ZFYVE19: variants seen among roughly 807,000 people sequenced by gnomAD.
The protein encoded by ZFYVE19 is zinc finger FYVE-type containing 19.
A neutral mutation model predicts 62.8 loss-of-function variants in ZFYVE19; 49 were observed. The observed-to-expected ratio is 0.78, with a 90% CI of 0.62 to 0.99. The LOEUF (loss-of-function observed/expected upper bound fraction) is 0.99, where lower values mean the gene tolerates loss of function less well. ZFYVE19 is among the 50% of genes least tolerant of loss of function. The pLI, the probability that ZFYVE19 is intolerant of heterozygous loss-of-function variation, is 0.00. For synonymous variants in ZFYVE19, 242 were observed against 234.3 expected, an observed-to-expected ratio of 1.03 and a Z score of -0.30; for missense variants, 630 against 601.9, an observed-to-expected ratio of 1.05 and a Z score of -0.49.
At position 40,807,141 on chromosome 15, in the gene ZFYVE19, G is replaced by A. The variant is rs1404111226; in HGVS notation, c.-449G>A. On this transcript the variant is annotated 5_prime_UTR_variant, in exon 1 of 11. Transcript: ENST00000355341. Reference sequence around the variant, plus strand: ...CTAGGAGACAGGGGCCACGGGGAGAGCACAGCCACCCGGCGCGAAGAGCCC... The same window carrying A: ...CTAGGAGACAGGGGCCACGGGGAGAACACAGCCACCCGGCGCGAAGAGCCC... 8.1e-6 allele frequency: 9 copies of A among 1,110,312 alleles called. No individual in the cohort carries two copies. The East Asian group carries it at 2.3e-4, about 29-fold the overall frequency. 68.8% of individuals were successfully genotyped at this position (1,110,312 alleles called of 1,614,324 possible). A position where few individuals can be genotyped will look rare whatever the true frequency, so the allele number is the denominator to read the frequency against.
At chr15:40,813,913 A>G in intron 9 of ZFYVE19, 30 bp from the exon 10 acceptor site, 1 of 1,591,928 alleles carries the variant, frequency 6.3e-7, no homozygotes, top group Non-Finnish European at 8.6e-7. Context: ...TGGGTACCTT[A>G]CTTCCTCCAT....
chr15:40,809,982 C>T lies in ZFYVE19; in HGVS notation c.571+12C>T, dbSNP rs750384188. ...GGAGAACAAGCCCAGTGAGCAGGGG[C>T]AGATGGGGTTGCCTAGAGGACACAG... On this transcript the variant is annotated intron_variant, in intron 4 of 10. Coordinates refer to ENST00000355341, the MANE Select transcript of ZFYVE19 (RefSeq NM_001077268.2). The T allele has an allele frequency of 1.2e-6, 2 of 1,614,160 alleles. No individual in the cohort carries two copies. Among genetic ancestry groups the T allele is most frequent in the Non-Finnish European group, 1.7e-6 (2 of 1,179,988 alleles).
Position 40,807,116 on chromosome 15 carries a change from C to A in ZFYVE19, c.-474C>A. 1.1e-6 allele frequency: 1 copy of A among 901,396 alleles called. No homozygotes were observed. The highest frequency in any genetic ancestry group is 1.6e-6 in the Non-Finnish European group (1 of 612,982). The allele number at this position is 901,396 out of a possible 1,614,324, so 55.8% of individuals were successfully genotyped here. A position where few individuals can be genotyped will look rare whatever the true frequency, so the allele number is the denominator to read the frequency against. On this transcript the variant is annotated 5_prime_UTR_variant, in exon 1 of 11. Transcript: ENST00000355341. ...TCCTTGCTGCCTCGCCCCGCGGCCT[C>A]TAGGAGACAGGGGCCACGGGGAGAG...
In ZFYVE19 at chr15:40,814,486, G is replaced by A. The variant is rs1170610472; in HGVS notation, c.*260G>A. 7 of 536,292 alleles carry A rather than the reference G, an allele frequency of 1.3e-5. No individual in the cohort carries two copies. The highest frequency in any genetic ancestry group is 1.2e-4 in the South Asian group (6 of 49,100). 33.2% of individuals were successfully genotyped at this position (536,292 alleles called of 1,614,324 possible). ...TGGGGAGAGACCAGACTGAATCTAC[G>A]GGTGAGCCCTGTAACCTGGCTCTAG... On this transcript the variant is annotated 3_prime_UTR_variant, in exon 11 of 11. Transcript: ENST00000355341.
chr15:40,807,352 C>T lies in ZFYVE19; in HGVS notation c.-238C>T. 2 of 1,614,272 alleles carry T rather than the reference C, an allele frequency of 1.2e-6. No homozygotes were observed. Among genetic ancestry groups the T allele is most frequent in the African/African-American group, 1.3e-5 (1 of 75,076 alleles). On this transcript the variant is annotated 5_prime_UTR_variant, in exon 1 of 11. Coordinates refer to ENST00000355341, the MANE Select transcript of ZFYVE19 (RefSeq NM_001077268.2). ...GCCAGACCTCTCAAGATCAGCCTTC[C>T]TCGCCACCGTTCTCACCTCTTTGTC...
Position 40,813,806 on chromosome 15 carries a change from C to A in ZFYVE19, c.1204C>A (p.Pro402Thr). The part of the protein sequence containing the change: ...RPWTQPRGAE[P>T]EAQDVDPRPE... ...CTGGACGCAACCCCGCGGGGCAGAG[C>A]CTGAGGTGAGAAAAGCCCCAGATGC... is the stretch of plus-strand genomic sequence containing the variant. The change falls in exon 9 of 11, where the codon CCT (proline) becomes ACT (threonine). Residue 402 changes from proline (P) to threonine (T), a missense_variant. Coordinates refer to ENST00000355341, the MANE Select transcript of ZFYVE19 (RefSeq NM_001077268.2). 2 of 1,612,782 alleles carry A rather than the reference C, an allele frequency of 1.2e-6. No individual in the cohort carries two copies. Among genetic ancestry groups the A allele is most frequent in the Non-Finnish European group, 1.7e-6 (2 of 1,179,526 alleles).
intron 7 of ZFYVE19, among the ~76,000 whole-genome samples, 163 bp downstream of exon 7, chr15:40,813,065 AGC>A (rs1890546838): frequency 6.6e-6 from 1 of 152,156 alleles, no homozygotes; most frequent in Non-Finnish European, 1.5e-5. Context: ...AGTCAGGGGC[AGC>A]CATGAGGGCA....
chr15:40,809,563 G>A (rs1890411810), intron 3 of ZFYVE19, 105 bp downstream of exon 3: 16 of 1,405,468 alleles, frequency 1.1e-5, no homozygotes, highest in Non-Finnish European at 1.6e-5. Flanking sequence ...ACAGAATCAG[G>A]AGAATTCTCT....
intron 1 of ZFYVE19, chr15:40,808,897 A>G: frequency 1.9e-6 from 1 of 526,242 alleles, no homozygotes; most frequent in Non-Finnish European, 3.4e-6. Context: ...GGTAGAAAGC[A>G]TGGGAATTTT....
In ZFYVE19 at chr15:40,810,701, T is replaced by A; in HGVS notation, c.770T>A (p.Leu257Gln). 1 of 1,577,754 alleles carries A rather than the reference T, an allele frequency of 6.3e-7. No individual in the cohort carries two copies. The change falls in exon 6 of 11, where the codon CTA becomes CAA. Residue 257 changes from leucine (L) to glutamine (Q), a missense_variant. Physicochemically the swap from Leu to Gln is moderately radical, Grantham distance 113. Transcript: ENST00000355341. Reference protein sequence around the residue: ...RTQAQQTQDLLTQLAAEVAID... With the variant: ...RTQAQQTQDLQTQLAAEVAID... The stretch of plus-strand genomic sequence containing the variant: ...CAAGCCCAGCAGACACAGGATCTGC[T>A]AACGCAGCTGGCAGCTGAGGTGGCT...
intron 1 of ZFYVE19, chr15:40,808,804 C>T: frequency 3.0e-6 from 1 of 335,068 alleles, no homozygotes; most frequent in Non-Finnish European, 5.6e-6. Flanking sequence ...CTCTGATTCT[C>T]CTTTGTGGAA....
At chr15:40,812,043 C>T (rs1453686421) in intron 6 of ZFYVE19, among the ~76,000 whole-genome samples, 1 of 152,148 alleles carries the variant, frequency 6.6e-6, no homozygotes, top group Non-Finnish European at 1.5e-5. Flanking sequence ...ATGTCTTGAT[C>T]CTTTAGGGCA....
At chr15:40,810,577 T>C in intron 5 of ZFYVE19, 72 bp from the exon 6 acceptor site, 2 of 1,538,124 alleles carry the variant, frequency 1.3e-6, no homozygotes, top group Non-Finnish European at 1.8e-6. Context: ...GAGAACTACT[T>C]AGCATCCATC....
At chr15:40,808,021 G>A (rs377204971) in intron 1 of ZFYVE19, 153 bp downstream of exon 1, 4 of 1,122,628 alleles carry the variant, frequency 3.6e-6, no homozygotes, top group Admixed American at 4.0e-5. Context: ...TGTAAAATGG[G>A]GCTAACATTC....
At position 40,809,195 on chromosome 15, in the gene ZFYVE19, A is replaced by G; in HGVS notation, c.356A>G (p.Asn119Ser). 1 of 1,614,218 alleles carries G rather than the reference A, an allele frequency of 6.2e-7. No individual in the cohort carries two copies. Among genetic ancestry groups the G allele is most frequent in the Non-Finnish European group, 8.5e-7 (1 of 1,180,034 alleles). ...AGTGCAGCAGTGCCTCGGACTGGGA[A>G]CACCCAACAGAAAGTCTGCAAGCAA... is the stretch of plus-strand genomic sequence containing the variant. Reference protein sequence around the residue: ...SFSAAVPRTGNTQQKVCKQCH... With the variant: ...SFSAAVPRTGSTQQKVCKQCH... Residue 119 changes from asparagine (N) to serine (S), a missense_variant, in exon 2 of 11, where the codon AAC becomes AGC. By Grantham distance (46) the Asn-to-Ser change is conservative (BLOSUM62 1). Transcript: ENST00000355341.
At chr15:40,809,084 TGA>T in intron 1 of ZFYVE19, 33 bp from the exon 2 acceptor site, 4 of 1,608,820 alleles carry the variant, frequency 2.5e-6, no homozygotes, top group Middle Eastern at 1.7e-4. Flanking sequence ...CAGGGGCGGG[TGA>T]GAGGGGGATC....
In ZFYVE19 at chr15:40,813,960, C is replaced by A. The variant is rs1280727611; in HGVS notation, c.1227C>A (p.Pro409=). 1.2e-6 allele frequency: 2 copies of A among 1,611,098 alleles called. No individual in the cohort carries two copies. The highest frequency in any genetic ancestry group is 1.7e-6 in the Non-Finnish European group (2 of 1,178,422). The part of the protein sequence containing the change: ...GAEPEAQDVD[P]RPEAEEEELP... The stretch of plus-strand genomic sequence containing the variant: ...CCCTGAAGGCCCAGGATGTGGACCC[C>A]AGGCCTGAGGCTGAGGAAGAGGAGC... Residue 409 remains proline, a synonymous_variant, in exon 10 of 11, where the codon CCC becomes CCA. Transcript: ENST00000355341.
Position 40,809,224 on chromosome 15 carries a change from C to A in ZFYVE19, c.385C>A (p.His129Asn). ...NTQQKVCKQC[H>N]EVLTRGSSAN... ...CCAACAGAAAGTCTGCAAGCAATGC[C>A]ATGAGGTCCTGACCAGGTAAGAGGC... The change falls in exon 2 of 11, where the codon CAT (histidine) becomes AAT (asparagine). Residue 129 changes from histidine (H) to asparagine (N), a missense_variant. Physicochemically the swap from His to Asn is moderately conservative, Grantham distance 68 (BLOSUM62 1). Transcript: ENST00000355341. 1.2e-6 allele frequency: 2 copies of A among 1,614,206 alleles called. No individual in the cohort carries two copies. Among genetic ancestry groups the A allele is most frequent in the Middle Eastern group, 1.7e-4 (1 of 6,058 alleles).
At position 40,809,527 on chromosome 15, in the gene ZFYVE19, GC is replaced by G; in HGVS notation, c.452+74del. On this transcript the variant is annotated intron_variant, in intron 3 of 10. Coordinates refer to ENST00000355341, the MANE Select transcript of ZFYVE19 (RefSeq NM_001077268.2). ...TAAGGGAGCCATAGGGAAAGACCCT[GC>G]CCCCATCTTCTAGATAAAATGAGCA... 5 of 1,553,984 alleles carry G rather than the reference GC, an allele frequency of 3.2e-6. No individual in the cohort carries two copies. In the South Asian group the frequency reaches 5.7e-5, roughly 18 times the overall value.
Sources: gnomAD v4.1 joint callset for allele counts (sites outside exome capture counted in the v4.1 genomes callset) on GRCh38, gnomAD v4.1.1 for gene constraint, MANE v1.5 for transcripts, NCBI Gene and HGNC (gene_info 2026-07-23, HGNC 2026-07-21) for gene names.